EP400: variants seen among roughly 807,000 people sequenced by gnomAD.
EP400 encodes E1A binding protein p400.
EP400 carries 105 observed loss-of-function variants against 354.1 expected under a neutral mutation model. The ratio of observed to expected loss-of-function variants is 0.30; its 90% CI spans 0.25 to 0.35. The LOEUF is 0.35. Ranked by LOEUF, EP400 falls within the 10% of genes least tolerant of loss-of-function variation. The pLI is 1.00. For missense variants in EP400, 3,280 were observed against 4,121.0 expected, an observed-to-expected ratio of 0.80 and a Z score of 5.59; for synonymous variants, 1,646 against 1,716.9, an observed-to-expected ratio of 0.96 and a Z score of 1.02.
intron 23 of EP400, among the ~76,000 whole-genome samples, chr12:132,023,278 G>A (rs929134444): frequency 5.8e-5 from 8 of 138,728 alleles, no homozygotes; most frequent in East Asian, 2.1e-4. Flanking sequence ...GATTACAGGC[G>A]CCCACCACCA....
chr12:131,997,805 C>T (rs1893268344), intron 12 of EP400, among the ~76,000 whole-genome samples: 1 of 152,118 alleles, frequency 6.6e-6, no homozygotes, highest in African/African-American at 2.4e-5. Context: ...AGAGGACCCT[C>T]ACAGTTCCAA....
In EP400 at chr12:132,017,727, T is replaced by C. The variant is rs1893991677; in HGVS notation, c.4110+6T>C. The stretch of plus-strand genomic sequence containing the variant: ...TGGAGAGAGATTTCTGGAAGGTAAG[T>C]GGAGGATCCAGAAAGCGGAATTACT... On this transcript the variant is annotated splice_donor_region_variant and intron_variant, in intron 20 of 52. Transcript: ENST00000389561. This position sits in a 1 kb window ranked among gnomAD's most constrained non-coding sequence, Gnocchi z 5.0. 6.6e-7 allele frequency: 1 copy of C among 1,515,004 alleles called. No individual in the cohort carries two copies. The highest frequency in any genetic ancestry group is 1.3e-5 in the South Asian group (1 of 75,810). The allele number at this position is 1,515,004 out of a possible 1,614,324, so 93.8% of individuals were successfully genotyped here.
intron 15 of EP400, among the ~76,000 whole-genome samples, chr12:132,007,235 G>A (rs566864896): frequency 7.2e-5 from 11 of 152,368 alleles, no homozygotes; most frequent in East Asian, 3.9e-4. Context: ...GCTCTCAGCC[G>A]TGTGGGGTGG....
chr12:132,056,613 A>G (rs375027603), intron 45 of EP400, among the ~76,000 whole-genome samples: 1 of 152,230 alleles, frequency 6.6e-6, no homozygotes, highest in Non-Finnish European at 1.5e-5. Context: ...ACAGGCCTGC[A>G]TGTAAAAGCA....
At chr12:132,009,028 C>T (rs1593343308) in intron 15 of EP400, among the ~76,000 whole-genome samples, 5 of 144,780 alleles carry the variant, frequency 3.5e-5, no homozygotes, top group African/African-American at 1.3e-4. Flanking sequence ...ATCCTCCCAC[C>T]TCAGCCTCCT....
chr12:132,045,051 C>T, intron 37 of EP400, 98 bp downstream of exon 37: 1 of 1,400,412 alleles, frequency 7.1e-7, no homozygotes, highest in South Asian at 1.3e-5. Context: ...CTGCTGTCTG[C>T]CTGTCTGCTG....
chr12:131,996,494 T>C (rs1893221897), intron 12 of EP400, among the ~76,000 whole-genome samples: 1 of 152,084 alleles, frequency 6.6e-6, no homozygotes, highest in South Asian at 2.1e-4. Context: ...GGTTTCACCA[T>C]GTTAGCCAGG....
chr12:131,982,398 C>A lies in EP400; in HGVS notation c.1849C>A (p.Gln617Lys). The A allele has an allele frequency of 6.2e-7, 1 of 1,614,182 alleles. No homozygotes were observed. Among genetic ancestry groups the A allele is most frequent in the East Asian group, 2.2e-5 (1 of 44,872 alleles). ...PSSQLPIPPSQPAQLALHVPT... is the reference protein window; with the variant it reads ...PSSQLPIPPSKPAQLALHVPT... Reference sequence around the variant, plus strand: ...CAGCCAACTCCCCATCCCTCCCTCGCAGCCTGCACAGCTGGCCCTCCACGT... The same window carrying A: ...CAGCCAACTCCCCATCCCTCCCTCGAAGCCTGCACAGCTGGCCCTCCACGT... Residue 617 changes from glutamine (Q) to lysine (K), a missense_variant, in exon 5 of 53, where the codon CAG (glutamine) becomes AAG (lysine). Transcript: ENST00000389561.
rs530238246 is a variant in EP400 at position 132,045,867 on chromosome 12, C to T, written c.7167C>T (p.Tyr2389=). Residue 2389 remains tyrosine (Y), a synonymous_variant, in exon 39 of 53, where the codon TAC becomes TAT. Coordinates refer to ENST00000389561, the MANE Select transcript of EP400 (RefSeq NM_015409.5). ...CTTCCAAACAGTGCCGGAATCGCTA[C>T]GAGAATGTCATCATTCCACGAGAGG... The part of the protein sequence containing the change: ...YRSSKQCRNR[Y]ENVIIPREEG... 18 of 1,614,240 alleles carry T rather than the reference C, an allele frequency of 1.1e-5. No individual in the cohort carries two copies. The highest frequency in any genetic ancestry group is 2.2e-5 in the East Asian group (1 of 44,888).
In EP400 at chr12:132,043,537, C is replaced by T. The variant is rs547212058; in HGVS notation, c.6366+75C>T. The T allele has an allele frequency of 4.2e-4, 659 of 1,577,722 alleles. 8 individuals carry two copies. In the South Asian group the frequency reaches 7.2e-3, roughly 17 times the overall value. ...TCTATAAAATATTTATTGTTTACTG[C>T]AAGAAAAATCACTTTTTGATTCAAA... On this transcript the variant is annotated intron_variant, in intron 33 of 52. Coordinates refer to ENST00000389561, the MANE Select transcript of EP400 (RefSeq NM_015409.5).
intron 9 of EP400, among the ~76,000 whole-genome samples, chr12:131,991,140 T>C (rs1024967142): frequency 6.6e-6 from 1 of 152,158 alleles, no homozygotes; most frequent in African/African-American, 2.4e-5. Flanking sequence ...TTCCTTTGCC[T>C]CTGAGGACAC....
rs932095868 is a variant in EP400 at position 132,079,609 on chromosome 12, C to T, written c.*1936C>T. 1 of 152,216 alleles carries T rather than the reference C, an allele frequency of 6.6e-6. No individual in the cohort carries two copies. The highest frequency in any genetic ancestry group is 1.5e-5 in the Non-Finnish European group (1 of 68,054). 9.4% of individuals were successfully genotyped at this position (152,216 alleles called of 1,614,324 possible). ...TTGAGTGCACTTATTTTAGAATATC[C>T]TAGACATAACTGTCTAAGTAAAAGC... On this transcript the variant is annotated 3_prime_UTR_variant, in exon 53 of 53. Transcript: ENST00000389561.
In EP400 at chr12:132,006,688, T is replaced by C; in HGVS notation, c.3127-12T>C. The C allele has an allele frequency of 1.3e-6, 2 of 1,562,372 alleles. No individual in the cohort carries two copies. The highest frequency in any genetic ancestry group is 1.7e-6 in the Non-Finnish European group (2 of 1,157,714). ...GACGAGCTGTCATTCTTTTATTTGT[T>C]CATCACTGCAGGTCAAGTTTAATGC... On this transcript the variant is annotated splice_polypyrimidine_tract_variant and intron_variant, in intron 14 of 52. Coordinates refer to ENST00000389561, the MANE Select transcript of EP400 (RefSeq NM_015409.5).
At chr12:132,077,364 C>T in intron 52 of EP400, 37 bp from the exon 53 acceptor site, 2 of 1,589,200 alleles carry the variant, frequency 1.3e-6, no homozygotes, top group South Asian at 2.3e-5. Context: ...GACTGAGTTT[C>T]CTGGGCAATG....
chr12:131,992,376 A>G (rs1032797067), intron 11 of EP400, 146 bp downstream of exon 11: 3 of 754,674 alleles, frequency 4.0e-6, no homozygotes, highest in East Asian at 2.5e-5. Context: ...CTCTCAGTGT[A>G]TAGAGTACTT....
Position 131,994,927 on chromosome 12 carries a change from A to G in EP400, c.2798A>G (p.Gln933Arg). The G allele has an allele frequency of 6.2e-7, 1 of 1,614,134 alleles. No homozygotes were observed. The highest frequency in any genetic ancestry group is 8.5e-7 in the Non-Finnish European group (1 of 1,179,980). ...EEANEGVVDH[Q>R]TELSNLAKEA... ...GCAAATGAAGGCGTTGTGGACCACC[A>G]AACAGAACTTTCTAATTTAGCCAAG... Residue 933 changes from glutamine to arginine, a missense_variant, in exon 12 of 53, where the codon CAA becomes CGA. Physicochemically the swap from Gln to Arg is conservative, Grantham distance 43. Coordinates refer to ENST00000389561, the MANE Select transcript of EP400 (RefSeq NM_015409.5). This position sits in a 1 kb window ranked among gnomAD's most constrained non-coding sequence, Gnocchi z 4.6.
In EP400 at chr12:132,017,302, C is replaced by T. The variant is rs1436496367; in HGVS notation, c.3924-233C>T. 6.6e-6 allele frequency among the ~76,000 whole-genome samples: 1 copy of T among 152,226 alleles called. No individual in the cohort carries two copies. The highest frequency in any genetic ancestry group is 1.5e-5 in the Non-Finnish European group (1 of 68,040). The stretch of plus-strand genomic sequence containing the variant: ...ATTGTGAATGAAGTGGAGTGGCTGT[C>T]TTTCCGTCAGCTCTGGTGGGGCGGA... On this transcript the variant is annotated intron_variant, in intron 19 of 52. Coordinates refer to ENST00000389561, the MANE Select transcript of EP400 (RefSeq NM_015409.5). The surrounding 1 kb of genome is among the most constrained non-coding windows in gnomAD (Gnocchi z 5.0).
chr12:132,011,238 G>A (rs903391522), intron 15 of EP400, among the ~76,000 whole-genome samples: 1 of 152,180 alleles, frequency 6.6e-6, no homozygotes, highest in Non-Finnish European at 1.5e-5. Context: ...GGGACTGCTC[G>A]TTCAATGTGT....
chr12:132,058,180 C>T (rs1196929527), intron 45 of EP400, among the ~76,000 whole-genome samples: 2 of 152,006 alleles, frequency 1.3e-5, no homozygotes, highest in African/African-American at 2.4e-5. Flanking sequence ...AAGGGAATGG[C>T]GTGCATGGAG....
Sources: allele counts gnomAD v4.1 joint callset (sites outside exome capture counted in the v4.1 genomes callset), GRCh38; gene constraint gnomAD v4.1.1; non-coding constraint Gnocchi (gnomAD v3.1); transcripts MANE v1.5; gene names NCBI Gene and HGNC (gene_info 2026-07-23, HGNC 2026-07-21).